Variants in SLC30A9 observed in about 807,000 individuals in gnomAD.
The protein encoded by SLC30A9 is proton-coupled zinc antiporter SLC30A9, mitochondrial.
SLC30A9 carries 58 observed loss-of-function variants against 87.5 expected under a neutral mutation model. The observed-to-expected ratio is 0.66, with a 90% CI of 0.54 to 0.82. The LOEUF is 0.82. SLC30A9 is among the 40% of genes least tolerant of loss of function. SLC30A9 has a pLI of 0.00. For missense variants in SLC30A9, 557 were observed against 679.1 expected (o/e 0.82, Z 2.00); for synonymous variants, 234 against 233.0 (o/e 1.00, Z -0.04).
chr4:42,066,461 G>T, intron 12 of SLC30A9, 89 bp from the exon 13 acceptor site: 3 of 719,834 alleles, frequency 4.2e-6, no homozygotes, highest in East Asian at 2.7e-5. Flanking sequence ...TTAAAATGTT[G>T]TGCTTATTTG....
chr4:42,043,329 G>A (rs576380665), intron 8 of SLC30A9, among the ~76,000 whole-genome samples: 1 of 152,106 alleles, frequency 6.6e-6, no homozygotes, highest in Non-Finnish European at 1.5e-5. Flanking sequence ...TTGAAAAAAG[G>A]TAAGAGAAAT....
At position 41,992,734 on chromosome 4, in the gene SLC30A9, CTT is replaced by C. The variant is rs780196960; in HGVS notation, c.109+1976_109+1977del. 9.9e-4 allele frequency among the ~76,000 whole-genome samples: 150 copies of C among 152,170 alleles called. No homozygotes were observed. In the Middle Eastern group the frequency reaches 0.017, roughly 17 times the overall value. ...ATGCTTAGTAGGTTTTTAAAAATAA[CTT>C]TGTGAAAATTTAGTTTCAGTAATGA... is the stretch of plus-strand genomic sequence containing the variant. On this transcript the variant is annotated intron_variant, in intron 1 of 17. Coordinates refer to ENST00000264451, the MANE Select transcript of SLC30A9 (RefSeq NM_006345.4).
chr4:42,029,582 T>C, intron 6 of SLC30A9: 3 of 699,284 alleles, frequency 4.3e-6, no homozygotes, highest in South Asian at 3.3e-5. Context: ...GACATGATTT[T>C]TGAAAATTGT....
chr4:42,077,764 G>A (rs1245688998), intron 16 of SLC30A9, among the ~76,000 whole-genome samples: 1 of 151,686 alleles, frequency 6.6e-6, no homozygotes, highest in Non-Finnish European at 1.5e-5. Context: ...TAATTTTAAT[G>A]TGAGATTTGT....
intron 8 of SLC30A9, among the ~76,000 whole-genome samples, chr4:42,045,584 T>TA (rs34964085): frequency 7.9e-4 from 107 of 134,802 alleles, no homozygotes; most frequent in African/African-American, 2.6e-3. Flanking sequence ...GCCTATCAAC[T>TA]AAAAAAAAAA....
intron 1 of SLC30A9, among the ~76,000 whole-genome samples, chr4:41,997,503 A>G (rs964555430): frequency 6.6e-6 from 1 of 152,118 alleles, no homozygotes; most frequent in Non-Finnish European, 1.5e-5. Flanking sequence ...AGTAAAAACT[A>G]TGCATAATTC....
chr4:42,078,219 A>G lies in SLC30A9; in HGVS notation c.1556A>G (p.Gln519Arg). 6.7e-7 allele frequency: 1 copy of G among 1,483,754 alleles called. No individual in the cohort carries two copies. The highest frequency in any genetic ancestry group is 9.2e-7 in the Non-Finnish European group (1 of 1,089,276). The allele number at this position is 1,483,754 out of a possible 1,614,324, so 91.9% of individuals were successfully genotyped here. A position where few individuals can be genotyped will look rare whatever the true frequency, so the allele number is the denominator to read the frequency against. ...QDFDQMLQEI[Q>R]EVKTPEELET... ...TTTTCATTTTCTTTATAGGAAATTC[A>G]AGAAGTGAAAACTCCTGAAGAACTA... The change falls in exon 17 of 18, where the codon CAA (glutamine) becomes CGA (arginine). Residue 519 changes from glutamine (Q) to arginine (R), a missense_variant. By Grantham distance (43) the Gln-to-Arg change is conservative. This residue lies in a region of SLC30A9 where 90 missense variants were observed against 149.4 expected (regional missense o/e 0.60). Coordinates refer to ENST00000264451, the MANE Select transcript of SLC30A9 (RefSeq NM_006345.4).
chr4:42,082,261 A>G (rs1190203014), intron 17 of SLC30A9, among the ~76,000 whole-genome samples: 1 of 152,100 alleles, frequency 6.6e-6, no homozygotes, highest in African/African-American at 2.4e-5. Context: ...AAGATAATAA[A>G]GCATAATTAA....
chr4:42,015,328 G>A (rs957064358), intron 2 of SLC30A9, among the ~76,000 whole-genome samples: 3 of 152,026 alleles, frequency 2.0e-5, no homozygotes, highest in Non-Finnish European at 4.4e-5. Context: ...TGGATGGGAG[G>A]CGAATATAGA....
At chr4:42,028,561 T>C (rs1316085405) in intron 6 of SLC30A9, among the ~76,000 whole-genome samples, 2 of 152,248 alleles carry the variant, frequency 1.3e-5, no homozygotes, top group South Asian at 2.1e-4. Flanking sequence ...TTTATAAAGT[T>C]TGTGAAAACA....
intron 2 of SLC30A9, among the ~76,000 whole-genome samples, chr4:42,006,593 A>G (rs1315558418): frequency 6.6e-6 from 1 of 151,710 alleles, no homozygotes; most frequent in East Asian, 1.9e-4. Context: ...ATGTTGAGGT[A>G]GGAGGGTCAC....
chr4:42,004,664 CTT>C (rs71198699), intron 2 of SLC30A9, among the ~76,000 whole-genome samples: 5 of 128,328 alleles, frequency 3.9e-5, no homozygotes, highest in African/African-American at 8.8e-5. Flanking sequence ...TTTTCTTTTT[CTT>C]TTTTTTTTTT....
chr4:42,065,539 G>T (rs534483031), intron 12 of SLC30A9, among the ~76,000 whole-genome samples, 190 bp downstream of exon 12: 12 of 152,312 alleles, frequency 7.9e-5, no homozygotes, highest in African/African-American at 2.6e-4. Flanking sequence ...ATGGATAGCT[G>T]TGGGGGGGTG....
intron 9 of SLC30A9, 115 bp from the exon 10 acceptor site, chr4:42,060,076 G>A: frequency 1.3e-6 from 1 of 753,862 alleles, no homozygotes; most frequent in Non-Finnish European, 2.3e-6. Flanking sequence ...CATTGGACAT[G>A]CATATGTTGA....
chr4:42,012,207 C>G (rs1456464569), intron 2 of SLC30A9, among the ~76,000 whole-genome samples: 1 of 152,144 alleles, frequency 6.6e-6, no homozygotes, highest in Non-Finnish European at 1.5e-5. Context: ...AACAACCCAA[C>G]TTAAAAGCTG....
intron 2 of SLC30A9, among the ~76,000 whole-genome samples, chr4:42,014,894 A>ACTAG (rs1283113474): frequency 2.0e-5 from 3 of 152,198 alleles, no homozygotes; most frequent in Non-Finnish European, 4.4e-5. Flanking sequence ...AATGATGGTT[A>ACTAG]CTAGGGGCTG....
intron 2 of SLC30A9, among the ~76,000 whole-genome samples, chr4:42,005,914 T>G (rs1669014862): frequency 1.3e-5 from 2 of 152,198 alleles, no homozygotes. Context: ...AGCAAACAAA[T>G]ATTGTATTGT....
chr4:42,036,169 C>A (rs1434046236), intron 7 of SLC30A9, among the ~76,000 whole-genome samples: 2 of 152,136 alleles, frequency 1.3e-5, no homozygotes, highest in Admixed American at 6.6e-5. Flanking sequence ...TATTGCATAT[C>A]TTTTTCTTTC....
chr4:42,039,134 A>G (rs917207488), intron 8 of SLC30A9, 81 bp downstream of exon 8: 11 of 1,028,722 alleles, frequency 1.1e-5, no homozygotes, highest in East Asian at 2.6e-5. Flanking sequence ...AATTTATTAC[A>G]TGGTAGCTAG....
Sources: gnomAD v4.1 joint callset for allele counts (sites outside exome capture counted in the v4.1 genomes callset) on GRCh38, gnomAD v4.1.1 for gene constraint, gnomAD v4.1.1 regional missense constraint, MANE v1.5 for transcripts, NCBI Gene and HGNC (gene_info 2026-07-23, HGNC 2026-07-21) for gene names.